The following ALDH1A2 variants were observed in gnomAD, a reference collection of about 807,000 sequenced individuals.
ALDH1A2 encodes aldehyde dehydrogenase 1 family member A2, also known as retinal dehydrogenase 2.
Under a neutral mutation model 60.3 loss-of-function variants are expected in ALDH1A2, and 27 were observed. The observed-to-expected ratio is 0.45, with a 90% CI of 0.33 to 0.62. The LOEUF is 0.62. Among genes scored for constraint, ALDH1A2 ranks in the 20% least tolerant of loss-of-function variants. The pLI is 0.02. For missense variants in ALDH1A2, 581 were observed against 643.8 expected (o/e 0.90, Z 1.06); for synonymous variants, 289 against 232.4 (o/e 1.24, Z -2.21).
chr15:57,980,671 C>A, intron 7 of ALDH1A2: 1 of 186,926 alleles, frequency 5.3e-6, no homozygotes, highest in South Asian at 1.4e-4. Flanking sequence ...GGGATGGGGC[C>A]ACACGGGACA....
chr15:58,010,508 T>C (rs1275927276), intron 4 of ALDH1A2, 141 bp downstream of exon 4: 2 of 962,128 alleles, frequency 2.1e-6, no homozygotes, highest in East Asian at 5.2e-5. Flanking sequence ...TGACATAATT[T>C]GGTTGGTTCT....
At chr15:58,028,548 A>G (rs1429084626) in intron 1 of ALDH1A2, among the ~76,000 whole-genome samples, 1 of 152,220 alleles carries the variant, frequency 6.6e-6, no homozygotes, top group Non-Finnish European at 1.5e-5. Context: ...TTCACACATA[A>G]CAATATTAAC....
intron 7 of ALDH1A2, among the ~76,000 whole-genome samples, chr15:57,967,555 A>G (rs1447882791): frequency 1.3e-5 from 2 of 152,198 alleles, no homozygotes; most frequent in Admixed American, 6.5e-5. Flanking sequence ...ACTTCCCCTC[A>G]GTCTCCAATA....
chr15:58,041,684 C>CA (rs1367827702), intron 1 of ALDH1A2, among the ~76,000 whole-genome samples: 8 of 151,924 alleles, frequency 5.3e-5, no homozygotes, highest in Non-Finnish European at 1.2e-4. Context: ...ATGACCTAAT[C>CA]AATTCCCAAA....
intron 1 of ALDH1A2, among the ~76,000 whole-genome samples, chr15:58,035,161 T>C (rs908983661): frequency 6.6e-6 from 1 of 151,610 alleles, no homozygotes; most frequent in Non-Finnish European, 1.5e-5. Flanking sequence ...CATACATATT[T>C]CTCTTTGAGT....
chr15:58,032,454 A>G (rs1181481815), intron 1 of ALDH1A2, among the ~76,000 whole-genome samples: 1 of 152,194 alleles, frequency 6.6e-6, no homozygotes. Context: ...ATGTATACAT[A>G]TGTAACAAAC....
At chr15:58,037,282 A>G (rs1437468885) in intron 1 of ALDH1A2, among the ~76,000 whole-genome samples, 1 of 151,700 alleles carries the variant, frequency 6.6e-6, no homozygotes, top group Non-Finnish European at 1.5e-5. Flanking sequence ...ATGAGAAAAG[A>G]GAAAGAATTT....
At chr15:57,959,325 G>C (rs1893644532) in intron 12 of ALDH1A2, among the ~76,000 whole-genome samples, 1 of 152,082 alleles carries the variant, frequency 6.6e-6, no homozygotes. Flanking sequence ...GGAAGCAGAA[G>C]GTGAAGGTCA....
intron 1 of ALDH1A2, among the ~76,000 whole-genome samples, chr15:58,016,484 G>A (rs1456030578): frequency 6.6e-6 from 1 of 152,036 alleles, no homozygotes; most frequent in Non-Finnish European, 1.5e-5. Flanking sequence ...TTAATTATTT[G>A]TAAAGACTGA....
In ALDH1A2 at chr15:57,966,144, A is replaced by G. The variant is rs4646619; in HGVS notation, c.799-317T>C. ...AAGAAAAATGTAACTGGAGATTTCA[A>G]TCACTGCATTGTGGCCTTTAGCTTT... On this transcript the variant is annotated intron_variant, in intron 7 of 12. Coordinates refer to ENST00000249750, the MANE Select transcript of ALDH1A2 (RefSeq NM_003888.4). 0.36 allele frequency among the ~76,000 whole-genome samples: 54,505 copies of G among 152,114 alleles called. 10,583 individuals are homozygous for G. Among genetic ancestry groups the G allele is most frequent in the Non-Finnish European group, 0.45 (30,768 of 67,958 alleles).
chr15:57,980,455 C>A, intron 7 of ALDH1A2: 1 of 338,040 alleles, frequency 3.0e-6, no homozygotes, highest in South Asian at 3.2e-5. Context: ...GCAGCTTGTT[C>A]ATGAGTATGC....
At chr15:57,997,536 G>A (rs888421941) in intron 4 of ALDH1A2, among the ~76,000 whole-genome samples, 1 of 151,790 alleles carries the variant, frequency 6.6e-6, no homozygotes, top group African/African-American at 2.4e-5. Flanking sequence ...GCACATGTAG[G>A]AACCTGGAAT....
In ALDH1A2 at chr15:58,010,633, C is replaced by G. The variant is rs759932570; in HGVS notation, c.493+16G>C. ...GTTTCACGTTTTCCTTTTCAACGTA[C>G]TCAGATTTCACATACCTACAGGAAT... On this transcript the variant is annotated intron_variant, in intron 4 of 12. Coordinates refer to ENST00000249750, the MANE Select transcript of ALDH1A2 (RefSeq NM_003888.4). 15 of 1,611,926 alleles carry G rather than the reference C, an allele frequency of 9.3e-6. No individual in the cohort carries two copies. The highest frequency in any genetic ancestry group is 7.7e-5 in the South Asian group (7 of 90,986).
intron 1 of ALDH1A2, among the ~76,000 whole-genome samples, chr15:58,029,192 T>G (rs940065507): frequency 1.3e-5 from 2 of 152,110 alleles, no homozygotes; most frequent in African/African-American, 4.8e-5. Context: ...CACAACAAAC[T>G]GTCTCTCAGA....
rs537469985 is a variant in ALDH1A2 at position 57,992,710 on chromosome 15, T to G, written c.793A>C (p.Thr265Pro). The G allele has an allele frequency of 3.1e-6, 5 of 1,613,960 alleles. No homozygotes were observed. The highest frequency in any genetic ancestry group is 3.4e-6 in the Non-Finnish European group (4 of 1,179,866). Residue 265 changes from threonine (T) to proline (P), a missense_variant, in exon 7 of 13, where the codon ACT becomes CCT. Thr to Pro is a conservative substitution (Grantham distance 38, BLOSUM62 -1). Coordinates refer to ENST00000249750, the MANE Select transcript of ALDH1A2 (RefSeq NM_003888.4). ...CTGGTTTTTCAGATACCTACCTCAG[T>G]AGACCCTGTGAATGCAATCTTGTCT... ...GIDKIAFTGSTEVGKLIQEAA... is the reference protein window; with the variant it reads ...GIDKIAFTGSPEVGKLIQEAA...
rs186794504 is a variant in ALDH1A2 at position 57,967,201 on chromosome 15, C to T, written c.799-1374G>A. Among the ~76,000 whole-genome samples the T allele has an allele frequency of 6.6e-3, 990 of 148,880 alleles. 11 individuals are homozygous for T. The highest frequency in any genetic ancestry group is 8.7e-3 in the Non-Finnish European group (586 of 67,512). On this transcript the variant is annotated intron_variant, in intron 7 of 12. Coordinates refer to ENST00000249750, the MANE Select transcript of ALDH1A2 (RefSeq NM_003888.4). ...TTTTTTTTTTTTTAACCAGTTCTGT[C>T]ACTTCGTAACTGTTTGAGCCTAGGA...
At chr15:57,965,696 T>A (rs1893871991) in intron 8 of ALDH1A2, 29 bp downstream of exon 8, 1 of 1,500,706 alleles carries the variant, frequency 6.7e-7, no homozygotes, top group Non-Finnish European at 9.3e-7. Context: ...TGTGTGGTGG[T>A]TCATGTATGG....
At chr15:57,983,554 CT>C (rs1894589528) in intron 7 of ALDH1A2, among the ~76,000 whole-genome samples, 1 of 152,160 alleles carries the variant, frequency 6.6e-6, no homozygotes, top group African/African-American at 2.4e-5. Flanking sequence ...AATAAAGTAG[CT>C]TTTCATTCAA....
intron 7 of ALDH1A2, among the ~76,000 whole-genome samples, chr15:57,983,263 G>C (rs1460846471): frequency 3.3e-5 from 5 of 152,192 alleles, no homozygotes; most frequent in African/African-American, 7.2e-5. Flanking sequence ...CATAGGAAAT[G>C]ATGTTGAGAA....
Sources: gnomAD v4.1 joint callset for allele counts (sites outside exome capture counted in the v4.1 genomes callset) on GRCh38, gnomAD v4.1.1 for gene constraint, MANE v1.5 for transcripts, NCBI Gene and HGNC (gene_info 2026-07-23, HGNC 2026-07-21) for gene names.